Variants in B4GALNT2 observed in about 807,000 individuals in gnomAD.
The protein encoded by B4GALNT2 is N-acetylneuraminylgalactosylglucosyl-glucoside beta-1,4-N- acetylgalactosaminyltransferase 2.
B4GALNT2 carries 42 observed loss-of-function variants against 51.1 expected under a neutral mutation model. That is an observed-to-expected ratio of 0.82 (90% CI 0.64 to 1.06). The LOEUF (loss-of-function observed/expected upper bound fraction) is 1.06. B4GALNT2 is among the 50% of genes least tolerant of loss of function. The pLI is 0.00. For missense variants in B4GALNT2, 602 were observed against 633.6 expected, an observed-to-expected ratio of 0.95 and a Z score of 0.54; for synonymous variants, 253 against 251.7, an observed-to-expected ratio of 1.01 and a Z score of -0.05.
intron 10 of B4GALNT2, among the ~76,000 whole-genome samples, chr17:49,169,217 A>G (rs1248149883): frequency 2.0e-5 from 3 of 151,360 alleles, no homozygotes; most frequent in African/African-American, 4.9e-5. Flanking sequence ...TTTCCTATTA[A>G]CTGCTCTCTC....
chr17:49,150,731 C>T (rs545457272), intron 3 of B4GALNT2, among the ~76,000 whole-genome samples: 2 of 150,782 alleles, frequency 1.3e-5, no homozygotes, highest in Admixed American at 6.6e-5. Flanking sequence ...GCAGCATGCT[C>T]GTTAAGAGTC....
intron 7 of B4GALNT2, 140 bp downstream of exon 7, chr17:49,160,781 G>A (rs2042857115): frequency 2.7e-6 from 2 of 741,862 alleles, no homozygotes; most frequent in East Asian, 2.6e-5. Context: ...TTCGTTTGGA[G>A]GAAAAAAACT....
At chr17:49,152,950 C>G in intron 4 of B4GALNT2, 44 bp downstream of exon 4, 1 of 1,525,284 alleles carries the variant, frequency 6.6e-7, no homozygotes, top group Non-Finnish European at 9.0e-7. Context: ...AACATTCTCA[C>G]TCTTCTAAGG....
At chr17:49,137,861 A>G (rs1054627715) in intron 1 of B4GALNT2, among the ~76,000 whole-genome samples, 7 of 151,268 alleles carry the variant, frequency 4.6e-5, no homozygotes, top group Admixed American at 1.3e-4. Flanking sequence ...AAAATCCATA[A>G]CAGCACAAGA....
At chr17:49,141,536 C>A in intron 2 of B4GALNT2, 89 bp downstream of exon 2, 1 of 1,379,362 alleles carries the variant, frequency 7.2e-7, no homozygotes, top group Non-Finnish European at 1.0e-6. Context: ...GCCCATTGTA[C>A]AGATGGTTCC....
chr17:49,172,408 T>G lies in B4GALNT2; in HGVS notation c.*2680T>G, dbSNP rs1851581. The G allele has an allele frequency of 0.54, 83,153 of 153,288 alleles. 23,120 individuals carry two copies. Among genetic ancestry groups the G allele is most frequent in the South Asian group, 0.67 (3,348 of 4,996 alleles). The allele number at this position is 153,288 out of a possible 1,614,324, so 9.5% of individuals were successfully genotyped here. On this transcript the variant is annotated 3_prime_UTR_variant, in exon 11 of 11. Transcript: ENST00000393354. ...CCTATTTCCCAACTTTTTGTTATTGTATCTCTCCACCAAACCAGTTGTTCT... is the reference window on the plus strand; with the variant it reads ...CCTATTTCCCAACTTTTTGTTATTGGATCTCTCCACCAAACCAGTTGTTCT...
chr17:49,169,420 T>C, intron 10 of B4GALNT2, 103 bp from the exon 11 acceptor site: 2 of 1,114,950 alleles, frequency 1.8e-6, no homozygotes, highest in South Asian at 2.6e-5. Context: ...CCCCAGTGTA[T>C]GAACTGTGTC....
At chr17:49,158,708 G>T (rs904749505) in intron 5 of B4GALNT2, among the ~76,000 whole-genome samples, 1 of 151,692 alleles carries the variant, frequency 6.6e-6, no homozygotes, top group South Asian at 2.1e-4. Context: ...TATAGAGAGA[G>T]GAAGAGGAGT....
At chr17:49,131,037 A>C (rs2144258918), upstream of B4GALNT2, among the ~76,000 whole-genome samples, 1 of 152,254 alleles carries the variant, frequency 6.6e-6, no homozygotes, top group South Asian at 2.1e-4. Flanking sequence ...CCTAGGTGAA[A>C]ATCCTAGCCC....
At position 49,144,915 on chromosome 17, in the gene B4GALNT2, C is replaced by T. The variant is rs145387448; in HGVS notation, c.353+2743C>T. On this transcript the variant is annotated intron_variant, in intron 3 of 10. Coordinates refer to ENST00000393354, the MANE Select transcript of B4GALNT2 (RefSeq NM_001159387.2). ...ACTGAAGAAGCTGGAGTCCAATGTT[C>T]GAGGGCAGGAAGCACCCAGCACTGG... Among the ~76,000 whole-genome samples the T allele has an allele frequency of 8.3e-4, 126 of 152,260 alleles. 1 individual carries two copies. Among genetic ancestry groups the T allele is most frequent in the Non-Finnish European group, 1.1e-3 (73 of 68,024 alleles).
At chr17:49,164,042 AG>A (rs2042887689) in intron 7 of B4GALNT2, 45 bp from the exon 8 acceptor site, 1 of 1,555,354 alleles carries the variant, frequency 6.4e-7, no homozygotes, top group Non-Finnish European at 8.8e-7. Flanking sequence ...AAGACAGTGA[AG>A]CTTCCTACAG....
intron 9 of B4GALNT2, among the ~76,000 whole-genome samples, chr17:49,168,073 G>A (rs770498993): frequency 2.3e-4 from 35 of 152,210 alleles, no homozygotes; most frequent in Non-Finnish European, 3.7e-4. Context: ...TTAAAAGGAA[G>A]AGGGAAAGAA....
At chr17:49,120,989 A>G in the B4GALNT2 span, among the ~76,000 whole-genome samples, 1 of 152,126 alleles carries the variant, frequency 6.6e-6, no homozygotes, top group African/African-American at 2.4e-5. Flanking sequence ...TTTCCTTGAG[A>G]TTATGACAAG....
chr17:49,147,051 G>T (rs576910095), intron 3 of B4GALNT2, among the ~76,000 whole-genome samples: 3 of 152,318 alleles, frequency 2.0e-5, no homozygotes, highest in South Asian at 2.1e-4. Flanking sequence ...AGGTAATCTG[G>T]CAAAATTGCA....
the B4GALNT2 span, among the ~76,000 whole-genome samples, chr17:49,126,514 A>AAC: frequency 1.4e-5 from 2 of 148,034 alleles, no homozygotes; most frequent in African/African-American, 2.5e-5. Context: ...AAAAAAAAAC[A>AAC]AACTCCGTGT....
intron 1 of B4GALNT2, chr17:49,133,167 G>T: frequency 6.6e-7 from 1 of 1,523,320 alleles, no homozygotes. Context: ...ACTCAGAGGC[G>T]CTGACCCAGC....
intron 9 of B4GALNT2, among the ~76,000 whole-genome samples, chr17:49,167,895 C>T (rs2042925434): frequency 6.6e-6 from 1 of 152,294 alleles, no homozygotes; most frequent in East Asian, 1.9e-4. Flanking sequence ...CTGGTGTGAG[C>T]CACCACGCCC....
At chr17:49,142,010 T>A (rs759370660) in intron 2 of B4GALNT2, 25 bp from the exon 3 acceptor site, 2 of 1,613,464 alleles carry the variant, frequency 1.2e-6, no homozygotes, top group Non-Finnish European at 1.7e-6. Context: ...CCAATCCATG[T>A]TTACAGTCCT....
At chr17:49,158,959 C>G in intron 5 of B4GALNT2, 78 bp from the exon 6 acceptor site, 1 of 1,504,500 alleles carries the variant, frequency 6.6e-7, no homozygotes, top group Non-Finnish European at 9.1e-7. Flanking sequence ...TGGCTCCTGG[C>G]CTGGGTATGT....
Sources: gnomAD v4.1 joint callset for allele counts (sites outside exome capture counted in the v4.1 genomes callset) on GRCh38, gnomAD v4.1.1 for gene constraint, MANE v1.5 for transcripts, NCBI Gene and HGNC (gene_info 2026-07-23, HGNC 2026-07-21) for gene names.